Variants in KCTD1 observed in about 807,000 individuals in gnomAD.
KCTD1 encodes the protein potassium channel tetramerization domain containing 1, also known as BTB/POZ domain-containing protein KCTD1.
A neutral mutation model predicts 66.0 loss-of-function variants in KCTD1; 24 were observed. That is an observed-to-expected ratio of 0.36 (90% CI 0.26 to 0.51). KCTD1 has a LOEUF of 0.51. KCTD1 is among the 20% of genes least tolerant of loss of function. The pLI is 0.95. For missense variants in KCTD1, 943 were observed against 1,205.2 expected (o/e 0.78, Z 3.22); for synonymous variants, 511 against 517.2 (o/e 0.99, Z 0.16).
chr18:26,550,547 G>A (rs553376412), upstream of KCTD1, among the ~76,000 whole-genome samples: 110 of 132,484 alleles, frequency 8.3e-4, no homozygotes, highest in African/African-American at 3.1e-3. This position sits in a 1 kb window ranked among gnomAD's most constrained non-coding sequence, Gnocchi z 5.4. Flanking sequence ...GGCTCCTTAG[G>A]GAAACACAAG....
chr18:26,537,925 C>T (rs528093535), intron 1 of KCTD1, among the ~76,000 whole-genome samples: 1 of 152,302 alleles, frequency 6.6e-6, no homozygotes, highest in Non-Finnish European at 1.5e-5. Context: ...AGTGGGCTGC[C>T]CAAATCCTAG....
intron 1 of KCTD1, among the ~76,000 whole-genome samples, chr18:26,623,509 T>TA (rs1987435004): frequency 6.6e-6 from 1 of 152,116 alleles, no homozygotes; most frequent in Non-Finnish European, 1.5e-5. Flanking sequence ...ATAAGGGAGT[T>TA]TCCCCCTTTG....
At chr18:26,532,065 G>A (rs1231923196) in intron 1 of KCTD1, among the ~76,000 whole-genome samples, 1 of 152,100 alleles carries the variant, frequency 6.6e-6, no homozygotes, top group Non-Finnish European at 1.5e-5. Flanking sequence ...CTCAGCCCTT[G>A]AGCAATTCAT....
At chr18:26,500,853 C>T (rs1035156485) in intron 2 of KCTD1, among the ~76,000 whole-genome samples, 1 of 152,158 alleles carries the variant, frequency 6.6e-6, no homozygotes, top group East Asian at 1.9e-4. Context: ...TCTCCTGTGA[C>T]ATTTTTACAT....
chr18:26,574,690 C>CA (rs1211915743), intron 1 of KCTD1, among the ~76,000 whole-genome samples: 1 of 152,164 alleles, frequency 6.6e-6, no homozygotes, highest in African/African-American at 2.4e-5. Flanking sequence ...CATCATCTCA[C>CA]AATTGATAAA....
At chr18:26,463,970 T>C (rs1413576525) in intron 3 of KCTD1, among the ~76,000 whole-genome samples, 1 of 152,100 alleles carries the variant, frequency 6.6e-6, no homozygotes, top group African/African-American at 2.4e-5. Flanking sequence ...CAGACATGGG[T>C]GGTGGACTCC....
intron 1 of KCTD1, among the ~76,000 whole-genome samples, chr18:26,616,386 G>A (rs901610410): frequency 2.0e-5 from 3 of 151,332 alleles, no homozygotes; most frequent in African/African-American, 7.3e-5. Context: ...TGTTTTATAT[G>A]CCTATTTCTT....
intron 1 of KCTD1, among the ~76,000 whole-genome samples, chr18:26,596,039 T>A (rs1034571117): frequency 1.3e-5 from 2 of 152,116 alleles, no homozygotes; most frequent in African/African-American, 4.8e-5. Flanking sequence ...AGTGTGAGAC[T>A]TTGTCTCAAA....
intron 1 of KCTD1, among the ~76,000 whole-genome samples, chr18:26,539,895 C>CAT (rs1005744621): frequency 2.4e-4 from 36 of 151,780 alleles, no homozygotes; most frequent in African/African-American, 5.3e-4. Context: ...TTTACATATA[C>CAT]ATATATATAT....
chr18:26,573,252 G>T (rs1314929857), intron 1 of KCTD1, among the ~76,000 whole-genome samples: 1 of 152,068 alleles, frequency 6.6e-6, no homozygotes, highest in African/African-American at 2.4e-5. Flanking sequence ...GCCAGAGGCT[G>T]GGGGGAGGGG....
At chr18:26,534,154 T>A (rs889471872) in intron 1 of KCTD1, among the ~76,000 whole-genome samples, 4 of 152,154 alleles carry the variant, frequency 2.6e-5, no homozygotes, top group African/African-American at 4.8e-5. Context: ...TCAATTTTTT[T>A]ATTTACAGTC....
intron 1 of KCTD1, among the ~76,000 whole-genome samples, chr18:26,589,430 T>C (rs1413232252): frequency 6.6e-6 from 1 of 152,170 alleles, no homozygotes; most frequent in Non-Finnish European, 1.5e-5. Flanking sequence ...GGAAACAGAA[T>C]TCAAGAAATT....
intron 1 of KCTD1, among the ~76,000 whole-genome samples, chr18:26,555,030 T>C (rs1018800133): frequency 1.6e-4 from 25 of 152,256 alleles, no homozygotes; most frequent in African/African-American, 6.0e-4. Flanking sequence ...AGTCCTGCTA[T>C]TAAATAAAAT....
intron 1 of KCTD1, among the ~76,000 whole-genome samples, chr18:26,597,666 T>G (rs1986798252): frequency 2.0e-5 from 3 of 150,934 alleles, no homozygotes; most frequent in South Asian, 2.1e-4. Flanking sequence ...GTGTTTTTTT[T>G]TTTTTTTTTT....
intron 4 of KCTD1, chr18:26,457,127 AAATT>A (rs751909996): frequency 7.3e-5 from 11 of 151,632 alleles, no homozygotes; most frequent in Non-Finnish European, 1.2e-4. Flanking sequence ...TGTTTTCTAA[AAATT>A]AATTAAAACC....
chr18:26,537,581 A>G (rs559077416), intron 1 of KCTD1, among the ~76,000 whole-genome samples: 12 of 152,342 alleles, frequency 7.9e-5, no homozygotes, highest in African/African-American at 2.6e-4. Context: ...TTTAAGTGGC[A>G]TTTCTATTGA....
chr18:26,626,334 C>T (rs776511600), intron 1 of KCTD1, among the ~76,000 whole-genome samples: 1 of 151,892 alleles, frequency 6.6e-6, no homozygotes, highest in South Asian at 2.1e-4. Context: ...AGACCAAAAA[C>T]CAAGAAATAA....
At chr18:26,536,920 A>G (rs1984735949) in intron 1 of KCTD1, among the ~76,000 whole-genome samples, 1 of 150,856 alleles carries the variant, frequency 6.6e-6, no homozygotes, top group African/African-American at 2.5e-5. Flanking sequence ...CCTTTTCATA[A>G]ATTAAAAAAA....
intron 2 of KCTD1, among the ~76,000 whole-genome samples, chr18:26,492,225 G>A (rs1982238934): frequency 6.6e-6 from 1 of 152,056 alleles, no homozygotes; most frequent in South Asian, 2.1e-4. Context: ...CGGGGCAATA[G>A]AGTGAGACCC....
Sources: allele counts gnomAD v4.1 joint callset (sites outside exome capture counted in the v4.1 genomes callset), GRCh38; gene constraint gnomAD v4.1.1; non-coding constraint Gnocchi (gnomAD v3.1); transcripts MANE v1.5; gene names NCBI Gene and HGNC (gene_info 2026-07-23, HGNC 2026-07-21).